TMTC1: variants seen among roughly 807,000 people sequenced by gnomAD.
TMTC1 encodes transmembrane O-mannosyltransferase targeting cadherins 1.
A neutral mutation model predicts 104.8 loss-of-function variants in TMTC1; 73 were observed. The observed-to-expected ratio is 0.70, with a 90% CI of 0.58 to 0.85. The LOEUF is 0.85. Ranked by LOEUF, TMTC1 falls within the 40% of genes least tolerant of loss-of-function variation. The pLI is 0.00. For synonymous variants in TMTC1, 434 were observed against 428.7 expected (o/e 1.01, Z -0.15); for missense variants, 1,035 against 1,096.1 (o/e 0.94, Z 0.79).
chr12:29,652,799 C>T (rs144308502), intron 5 of TMTC1, among the ~76,000 whole-genome samples: 8 of 152,334 alleles, frequency 5.3e-5, no homozygotes, highest in African/African-American at 7.2e-5. Flanking sequence ...CAGTGGCTCA[C>T]GCCTGAAATT....
chr12:29,772,748 A>G (rs1020922982), intron 1 of TMTC1, among the ~76,000 whole-genome samples: 1 of 152,198 alleles, frequency 6.6e-6, no homozygotes, highest in African/African-American at 2.4e-5. Context: ...ATGAAATACC[A>G]TCTAAAAAGA....
At chr12:29,527,849 CCACTAGAAATGATATTTTCAA>C (rs1405072470) in intron 11 of TMTC1, among the ~76,000 whole-genome samples, 1 of 152,132 alleles carries the variant, frequency 6.6e-6, no homozygotes, top group African/African-American at 2.4e-5. Context: ...AGCTGATTTT[CCACTAGAAATGATATTTTCAA>C]AATCCAAAGA....
Position 29,745,608 on chromosome 12 carries a change from G to A in TMTC1, c.938+6058C>T, listed in dbSNP as rs544682685. Among the ~76,000 whole-genome samples the A allele has an allele frequency of 3.2e-5, 3 of 93,508 alleles. No individual in the cohort carries two copies. The Admixed American group carries it at 3.9e-4, about 12-fold the overall frequency. The allele number at this position is 93,508 out of a possible 152,430, so 61.3% of individuals were successfully genotyped here. On this transcript the variant is annotated intron_variant, in intron 5 of 17. Coordinates refer to ENST00000539277, the MANE Select transcript of TMTC1 (RefSeq NM_001193451.2). The stretch of plus-strand genomic sequence containing the variant: ...TGTACTCCAGCCTGAGCAACAGAGC[G>A]AGACTCAATCAAAAAAAAAAAAAAA...
rs1389764676 is a variant in TMTC1 at position 29,506,634 on chromosome 12, T to G, written c.*212A>C. 12 of 576,380 alleles carry G rather than the reference T, an allele frequency of 2.1e-5. 1 individual carries two copies. The highest frequency in any genetic ancestry group is 9.5e-4 in the Middle Eastern group (2 of 2,114). 35.7% of individuals were successfully genotyped at this position (576,380 alleles called of 1,614,324 possible). Reference sequence around the variant, plus strand: ...TGTCATTCTCCTTCCCTCTCAGACCTTCTTGCCCTTGTTTGCTGTTTTCGT... The same window carrying G: ...TGTCATTCTCCTTCCCTCTCAGACCGTCTTGCCCTTGTTTGCTGTTTTCGT... On this transcript the variant is annotated 3_prime_UTR_variant, in exon 18 of 18. Coordinates refer to ENST00000539277, the MANE Select transcript of TMTC1 (RefSeq NM_001193451.2).
chr12:29,756,675 G>A (rs1592017483), intron 3 of TMTC1, among the ~76,000 whole-genome samples: 1 of 152,162 alleles, frequency 6.6e-6, no homozygotes, highest in East Asian at 1.9e-4. Context: ...AACAGAGCGG[G>A]CCCCCTACCA....
intron 5 of TMTC1, among the ~76,000 whole-genome samples, chr12:29,665,289 G>A (rs1437552783): frequency 2.6e-5 from 4 of 152,198 alleles, no homozygotes; most frequent in Admixed American, 2.6e-4. Context: ...TTGGCATCAA[G>A]GTTATTGGCA....
At chr12:29,755,431 C>T (rs765436622) in intron 4 of TMTC1, among the ~76,000 whole-genome samples, 4 of 152,194 alleles carry the variant, frequency 2.6e-5, no homozygotes, top group Non-Finnish European at 2.9e-5. Flanking sequence ...AACAAACCAG[C>T]AATATAAACT....
intron 6 of TMTC1, among the ~76,000 whole-genome samples, chr12:29,615,318 A>T (rs1946948857): frequency 6.6e-6 from 1 of 152,172 alleles, no homozygotes; most frequent in Non-Finnish European, 1.5e-5. Flanking sequence ...ACCTTCCATG[A>T]AAGGTTCCCG....
At chr12:29,624,560 G>A (rs1335627555) in intron 6 of TMTC1, among the ~76,000 whole-genome samples, 1 of 152,122 alleles carries the variant, frequency 6.6e-6, no homozygotes, top group East Asian at 1.9e-4. Flanking sequence ...TGTCTGTGAT[G>A]GGTCTAGTAC....
intron 8 of TMTC1, among the ~76,000 whole-genome samples, chr12:29,576,372 T>C (rs1945823011): frequency 1.3e-5 from 2 of 152,120 alleles, no homozygotes; most frequent in Non-Finnish European, 2.9e-5. Context: ...AGCCAAGATA[T>C]GGAAACAACC....
At chr12:29,708,371 C>T (rs1941808741) in intron 5 of TMTC1, among the ~76,000 whole-genome samples, 1 of 152,138 alleles carries the variant, frequency 6.6e-6, no homozygotes, top group Non-Finnish European at 1.5e-5. Context: ...TGCACATGAA[C>T]AGCGCAGAGC....
chr12:29,518,558 G>C lies in TMTC1; in HGVS notation c.1938C>G (p.Ser646Arg). The change falls in exon 13 of 18, where the codon AGC (serine) becomes AGG (arginine). Residue 646 changes from serine (S) to arginine (R), a missense_variant. Transcript: ENST00000539277. ...TCACCATGGCCACGTGATGACTGGG[G>C]CTAAGTTTGATGGCCTGCTGGTAAT... Reference protein sequence around the residue: ...VAHYQQAIKLSPSHHVAMVNL... With the variant: ...VAHYQQAIKLRPSHHVAMVNL... 1 of 1,614,102 alleles carries C rather than the reference G, an allele frequency of 6.2e-7. No homozygotes were observed.
chr12:29,523,722 G>C (rs1160392836), intron 11 of TMTC1, among the ~76,000 whole-genome samples: 1 of 152,048 alleles, frequency 6.6e-6, no homozygotes, highest in Non-Finnish European at 1.5e-5. Context: ...TTATTTTTTT[G>C]AAAGAGAGTA....
intron 7 of TMTC1, among the ~76,000 whole-genome samples, chr12:29,588,238 C>A (rs1946192045): frequency 6.6e-6 from 1 of 152,208 alleles, no homozygotes; most frequent in South Asian, 2.1e-4. Context: ...CTTGTCAGAA[C>A]AGAGTCTCTA....
intron 11 of TMTC1, chr12:29,535,999 G>T: frequency 7.5e-6 from 4 of 535,292 alleles, no homozygotes; most frequent in Non-Finnish European, 1.3e-5. Context: ...GGCCAATAAC[G>T]GACCATCTTT....
At chr12:29,589,835 T>G (rs1946233957) in intron 7 of TMTC1, among the ~76,000 whole-genome samples, 1 of 152,234 alleles carries the variant, frequency 6.6e-6, no homozygotes, top group Non-Finnish European at 1.5e-5. Flanking sequence ...GCAAGGACAG[T>G]ACTGGTTTTA....
chr12:29,526,782 T>C (rs1944358833), intron 11 of TMTC1, among the ~76,000 whole-genome samples: 1 of 151,482 alleles, frequency 6.6e-6, no homozygotes, highest in African/African-American at 2.5e-5. Flanking sequence ...AAAGATGTAA[T>C]TGACAAAAAA....
intron 5 of TMTC1, among the ~76,000 whole-genome samples, chr12:29,640,086 T>G (rs2136536646): frequency 6.6e-6 from 1 of 152,238 alleles, no homozygotes; most frequent in Middle Eastern, 3.4e-3. Context: ...ACTTGCTGCT[T>G]CAGCACCTGG....
chr12:29,648,339 T>C (rs557582591), intron 5 of TMTC1, among the ~76,000 whole-genome samples: 62 of 152,346 alleles, frequency 4.1e-4, no homozygotes, highest in African/African-American at 1.4e-3. Flanking sequence ...CAGAACAACT[T>C]TGAGTGGGAA....
Sources: gnomAD v4.1 joint callset for allele counts (sites outside exome capture counted in the v4.1 genomes callset) on GRCh38, gnomAD v4.1.1 for gene constraint, MANE v1.5 for transcripts, NCBI Gene and HGNC (gene_info 2026-07-23, HGNC 2026-07-21) for gene names.